RBM39: variants seen among roughly 807,000 people sequenced by gnomAD.
The protein encoded by RBM39 is RNA-binding protein 39.
RBM39 carries 12 observed loss-of-function variants against 79.6 expected under a neutral mutation model. The observed-to-expected ratio is 0.15, with a 90% confidence interval of 0.10 to 0.24. The LOEUF (loss-of-function observed/expected upper bound fraction) is 0.24. Among genes scored for constraint, RBM39 ranks in the 10% least tolerant of loss-of-function variants. The pLI, the probability that RBM39 is intolerant of heterozygous loss-of-function variation, is 1.00. For missense variants in RBM39, 243 were observed against 653.4 expected, an observed-to-expected ratio of 0.37 and a Z score of 6.85; for synonymous variants, 185 against 208.4, an observed-to-expected ratio of 0.89 and a Z score of 0.97.
chr20:35,740,957 T>A, intron 1 of RBM39, 70 bp from the exon 2 acceptor site: 2 of 1,128,186 alleles, frequency 1.8e-6, no homozygotes, highest in South Asian at 2.6e-5. Flanking sequence ...TTCACTCTTG[T>A]TGCCTATATC....
chr20:35,734,546 G>C (rs2039708142), intron 3 of RBM39: 1 of 230,072 alleles, frequency 4.3e-6, no homozygotes, highest in African/African-American at 2.3e-5. Flanking sequence ...TTTTTGTTCT[G>C]CTCTAGATGG....
intron 14 of RBM39, 24 bp downstream of exon 14, chr20:35,707,096 T>G: frequency 8.2e-7 from 1 of 1,215,284 alleles, no homozygotes; most frequent in Non-Finnish European, 1.2e-6. Flanking sequence ...ATAGGAAATA[T>G]CAAGAATAAA....
chr20:35,734,157 C>A (rs909172023), intron 3 of RBM39: 1 of 1,252,040 alleles, frequency 8.0e-7, no homozygotes, highest in African/African-American at 1.5e-5. Context: ...CTTTAGAGTG[C>A]ATTGAAAATA....
Position 35,740,757 on chromosome 20 carries a change from A to G in RBM39, c.51+67T>C. On this transcript the variant is annotated intron_variant, in intron 2 of 16. Coordinates refer to ENST00000253363, the MANE Select transcript of RBM39 (RefSeq NM_184234.3). ...CTCCGGGGAGGTTAGTTTACATTTC[A>G]GCAGTAGTTTCGTGAATAATGCTAA... 2.7e-6 allele frequency: 4 copies of G among 1,495,136 alleles called. No individual in the cohort carries two copies. The South Asian group carries it at 4.6e-5, about 17-fold the overall frequency. The allele number at this position is 1,495,136 out of a possible 1,614,324, so 92.6% of individuals were successfully genotyped here.
At chr20:35,726,972 G>A (rs555654422) in intron 6 of RBM39, among the ~76,000 whole-genome samples, 3 of 151,268 alleles carry the variant, frequency 2.0e-5, no homozygotes, top group South Asian at 4.2e-4. Context: ...TTACACGCAC[G>A]CGCCACTACA....
intron 13 of RBM39, among the ~76,000 whole-genome samples, chr20:35,708,430 A>G (rs931687638): frequency 6.6e-6 from 1 of 152,142 alleles, no homozygotes; most frequent in African/African-American, 2.4e-5. Flanking sequence ...CTATACAAAC[A>G]TTCACGTTCA....
chr20:35,727,702 T>G (rs1201665949), intron 6 of RBM39, among the ~76,000 whole-genome samples: 2 of 146,912 alleles, frequency 1.4e-5, no homozygotes, highest in African/African-American at 2.6e-5. Flanking sequence ...CAGGCTGGAG[T>G]GCAATGGCGC....
chr20:35,735,191 TTGAG>T (rs2039778330), intron 3 of RBM39: 2 of 1,345,100 alleles, frequency 1.5e-6, no homozygotes, highest in African/African-American at 3.0e-5. Context: ...TTATCTTTTA[TTGAG>T]TAATTCTCTA....
chr20:35,707,874 A>C (rs1205273318), intron 13 of RBM39: 8 of 465,540 alleles, frequency 1.7e-5, no homozygotes, highest in Non-Finnish European at 3.6e-5. Context: ...GCATTTTCCA[A>C]GACAGTTGCT....
In RBM39 at chr20:35,703,421, ATTC is replaced by A. The variant is rs1454562563; in HGVS notation, c.*1057_*1059del. ...TTGGTAAACCCCTCAGTTTTGATAC[ATTC>A]TTCTAAAATACACAGGGCTAGACTC... is the stretch of plus-strand genomic sequence containing the variant. On this transcript the variant is annotated 3_prime_UTR_variant, in exon 17 of 17. Coordinates refer to ENST00000253363, the MANE Select transcript of RBM39 (RefSeq NM_184234.3). 2 of 152,168 alleles carry A rather than the reference ATTC, an allele frequency of 1.3e-5. No individual in the cohort carries two copies. The highest frequency in any genetic ancestry group is 4.8e-5 in the African/African-American group (2 of 41,446). The allele number at this position is 152,168 out of a possible 1,614,324, so 9.4% of individuals were successfully genotyped here. A position where few individuals can be genotyped will look rare whatever the true frequency, so the allele number is the denominator to read the frequency against.
intron 14 of RBM39, among the ~76,000 whole-genome samples, chr20:35,706,077 G>A (rs1031716708): frequency 6.6e-6 from 1 of 152,050 alleles, no homozygotes; most frequent in African/African-American, 2.4e-5. Context: ...CATGGCACAC[G>A]CCTGTAATCC....
chr20:35,726,889 G>A (rs2038767173), intron 6 of RBM39, among the ~76,000 whole-genome samples: 1 of 151,940 alleles, frequency 6.6e-6, no homozygotes. Context: ...GCAGTGGTGT[G>A]ATCTTGGCTC....
chr20:35,723,867 CCT>C (rs1464048833), intron 8 of RBM39, among the ~76,000 whole-genome samples: 1 of 152,066 alleles, frequency 6.6e-6, no homozygotes, highest in Non-Finnish European at 1.5e-5. Flanking sequence ...ATGGCAAGAC[CCT>C]GTTTCTTAAA....
At chr20:35,716,985 A>G (rs1303206118) in intron 9 of RBM39, among the ~76,000 whole-genome samples, 180 bp from the exon 10 acceptor site, 1 of 151,508 alleles carries the variant, frequency 6.6e-6, no homozygotes, top group African/African-American at 2.4e-5. Context: ...TATATGTAAA[A>G]TGAAAAAAAT....
chr20:35,719,467 C>T (rs1363983239), intron 9 of RBM39, among the ~76,000 whole-genome samples: 4 of 152,084 alleles, frequency 2.6e-5, no homozygotes, highest in East Asian at 3.9e-4. Context: ...TTTGGGACAC[C>T]GAGGCGGGTA....
intron 6 of RBM39, among the ~76,000 whole-genome samples, chr20:35,728,123 A>G (rs887983500): frequency 1.3e-5 from 2 of 152,206 alleles, no homozygotes; most frequent in African/African-American, 4.8e-5. Flanking sequence ...TAATCCATGG[A>G]AACTTCATTG....
At chr20:35,710,034 G>A (rs1164103225) in intron 12 of RBM39, among the ~76,000 whole-genome samples, 2 of 152,166 alleles carry the variant, frequency 1.3e-5, no homozygotes, top group African/African-American at 4.8e-5. Context: ...TTCTACAGTG[G>A]ACGCCATCTG....
chr20:35,723,448 T>C (rs753949022), intron 8 of RBM39, among the ~76,000 whole-genome samples: 5 of 152,176 alleles, frequency 3.3e-5, no homozygotes, highest in Middle Eastern at 3.2e-3. Flanking sequence ...AACTCTTTTT[T>C]CTTTTTGAGA....
chr20:35,732,318 T>C, intron 3 of RBM39, 183 bp from the exon 4 acceptor site: 1 of 613,250 alleles, frequency 1.6e-6, no homozygotes, highest in Non-Finnish European at 2.8e-6. Flanking sequence ...AGCACTTTGG[T>C]AGGCCGAGGC....
Sources: allele counts gnomAD v4.1 joint callset (sites outside exome capture counted in the v4.1 genomes callset), GRCh38; gene constraint gnomAD v4.1.1; transcripts MANE v1.5; gene names NCBI Gene and HGNC (gene_info 2026-07-23, HGNC 2026-07-21).